The following NBEAL2 variants were observed in gnomAD, a reference collection of about 807,000 sequenced individuals.
The protein encoded by NBEAL2 is neurobeachin-like protein 2.
In NBEAL2, 160 loss-of-function variants were observed where a neutral mutation model predicts 299.8. The observed-to-expected ratio is 0.53, with a 90% CI of 0.47 to 0.61. The LOEUF (loss-of-function observed/expected upper bound fraction) is 0.61. Among genes scored for constraint, NBEAL2 ranks in the 20% least tolerant of loss-of-function variants. The pLI is 0.00. For synonymous variants in NBEAL2, 1,493 were observed against 1,542.3 expected, an observed-to-expected ratio of 0.97 and a Z score of 0.75; for missense variants, 3,112 against 3,649.0, an observed-to-expected ratio of 0.85 and a Z score of 3.79.
At position 47,007,338 on chromosome 3, in the gene NBEAL2, T is replaced by C. The variant is rs1188947348; in HGVS notation, c.7322T>C (p.Met2441Thr). The C allele has an allele frequency of 6.2e-7, 1 of 1,606,494 alleles. No individual in the cohort carries two copies. The highest frequency in any genetic ancestry group is 8.5e-7 in the Non-Finnish European group (1 of 1,176,744). Residue 2441 changes from methionine (M) to threonine (T), a missense_variant, in exon 47 of 54, where the codon ATG (methionine) becomes ACG (threonine). Met to Thr is a moderately conservative substitution (Grantham distance 81). Coordinates refer to ENST00000450053, the MANE Select transcript of NBEAL2 (RefSeq NM_015175.3). ...TTCAGCTTCAGCAAAGACCCCACCA[T>C]GGGCAGCCACAAGTAGGACAGAGGG... ...NYFSFSKDPTMGSHKTQRLLS... is the reference protein window; with the variant it reads ...NYFSFSKDPTTGSHKTQRLLS...
intron 1 of NBEAL2, among the ~76,000 whole-genome samples, chr3:46,981,723 T>C (rs938659246): frequency 7.2e-5 from 11 of 152,104 alleles, no homozygotes; most frequent in African/African-American, 2.4e-4. Context: ...TTAAACCAGC[T>C]GGTGAGTGTG....
Position 47,004,939 on chromosome 3 carries a change from C to T in NBEAL2, c.6295-33C>T. ...GGGTGGGCTGGTAGGCCATCAGGGCCCTCATGCAGCCCCTGCTCGGGTGGG... is the reference window on the plus strand; with the variant it reads ...GGGTGGGCTGGTAGGCCATCAGGGCTCTCATGCAGCCCCTGCTCGGGTGGG... On this transcript the variant is annotated intron_variant, in intron 38 of 53. Coordinates refer to ENST00000450053, the MANE Select transcript of NBEAL2 (RefSeq NM_015175.3). The surrounding 1 kb of genome is among the most constrained non-coding windows in gnomAD (Gnocchi z 5.0). 1 of 1,585,542 alleles carries T rather than the reference C, an allele frequency of 6.3e-7. No individual in the cohort carries two copies. Among genetic ancestry groups the T allele is most frequent in the Non-Finnish European group, 8.6e-7 (1 of 1,166,274 alleles).
At chr3:47,007,467 G>C (rs745883257) in intron 47 of NBEAL2, 58 bp from the exon 48 acceptor site, 1 of 1,573,580 alleles carries the variant, frequency 6.4e-7, no homozygotes, top group Non-Finnish European at 8.6e-7. Flanking sequence ...GGCTCCCTGA[G>C]GGCCTGGGTC....
chr3:46,995,577 G>C lies in NBEAL2; in HGVS notation c.1842G>C (p.Met614Ile), dbSNP rs1324255964. ...TFHAWLCLHP[M>I]DTAPTPAPTR... is the part of the protein sequence containing the mutation. The stretch of plus-strand genomic sequence containing the variant: ...ATGCCTGGCTCTGTCTGCACCCTAT[G>C]GATACAGCACCTACCCCTGCCCCCA... Residue 614 changes from methionine to isoleucine, a missense_variant, in exon 13 of 54, where the codon ATG (methionine) becomes ATC (isoleucine). Transcript: ENST00000450053. 2 of 1,612,716 alleles carry C rather than the reference G, an allele frequency of 1.2e-6. No homozygotes were observed. Among genetic ancestry groups the C allele is most frequent in the Admixed American group, 3.3e-5 (2 of 60,028 alleles).
rs1299423017 is a variant in NBEAL2 at position 47,008,428 on chromosome 3, G to A, written c.7865G>A (p.Arg2622His). 6 of 1,612,248 alleles carry A rather than the reference G, an allele frequency of 3.7e-6. No individual in the cohort carries two copies. Among genetic ancestry groups the A allele is most frequent in the African/African-American group, 2.7e-5 (2 of 74,912 alleles). The change falls in exon 51 of 54, where the codon CGT becomes CAT. Residue 2622 changes from arginine to histidine, a missense_variant. Around this residue, in one of 3 missense-constraint regions of NBEAL2, gnomAD observed 348 missense variants for 381.4 expected, o/e 0.91. Transcript: ENST00000450053. ...GTGGTACAGAGCTCAGCGTGGGAAC[G>A]TCCTGGGGCCCAGGTATGGGGAAGG... ...QIVVQSSAWERPGAQVTYSLH... is the reference protein window; with the variant it reads ...QIVVQSSAWEHPGAQVTYSLH...
intron 1 of NBEAL2, among the ~76,000 whole-genome samples, chr3:46,983,247 T>G (rs1275783500): frequency 6.6e-6 from 1 of 151,572 alleles, no homozygotes. Flanking sequence ...ACTGATGATC[T>G]CTACTGCCTC....
chr3:46,996,280 T>C lies in NBEAL2; in HGVS notation c.2161T>C (p.Ser721Pro). 7 of 1,606,954 alleles carry C rather than the reference T, an allele frequency of 4.4e-6. No individual in the cohort carries two copies. Among genetic ancestry groups the C allele is most frequent in the Non-Finnish European group, 5.9e-6 (7 of 1,179,810 alleles). The change falls in exon 16 of 54, where the codon TCC becomes CCC. Residue 721 changes from serine to proline, a missense_variant. Ser to Pro is a moderately conservative substitution (Grantham distance 74). This residue lies in a region of NBEAL2 where 2,243 missense variants were observed against 2,538.1 expected (regional missense o/e 0.88). Transcript: ENST00000450053. ...RCPSLSEPFS[S>P]CCIGSAGYRT... ...AACCCCGGCCCCACAGCCTTTCTCC[T>C]CCTGCTGTATCGGCTCCGCTGGATA...
Position 47,000,902 on chromosome 3 carries a change from C to T in NBEAL2, c.4306-99C>T. 1 of 1,513,928 alleles carries T rather than the reference C, an allele frequency of 6.6e-7. No homozygotes were observed. Among genetic ancestry groups the T allele is most frequent in the South Asian group, 1.2e-5 (1 of 81,514 alleles). The allele number at this position is 1,513,928 out of a possible 1,614,324, so 93.8% of individuals were successfully genotyped here. ...AAATGCTCTGACTCCTGGGTGGCTA[C>T]CCCAGGAGGGGTGCTGAGTGGGGAT... On this transcript the variant is annotated intron_variant, in intron 27 of 53. Coordinates refer to ENST00000450053, the MANE Select transcript of NBEAL2 (RefSeq NM_015175.3). The surrounding 1 kb of genome is among the most constrained non-coding windows in gnomAD (Gnocchi z 4.5).
At position 46,998,800 on chromosome 3, in the gene NBEAL2, T is replaced by G. The variant is rs1203504347; in HGVS notation, c.3305T>G (p.Val1102Gly). 1.9e-6 allele frequency: 3 copies of G among 1,566,438 alleles called. No individual in the cohort carries two copies. In the African/African-American group the frequency reaches 4.1e-5, roughly 21 times the overall value. The change falls in exon 23 of 54, where the codon GTG becomes GGG. Residue 1102 changes from valine (V) to glycine (G), a missense_variant. Val to Gly is a moderately radical substitution (Grantham distance 109). Around this residue, in one of 3 missense-constraint regions of NBEAL2, gnomAD observed 2,243 missense variants for 2,538.1 expected, o/e 0.88. Coordinates refer to ENST00000450053, the MANE Select transcript of NBEAL2 (RefSeq NM_015175.3). The part of the protein sequence containing the change: ...SLLGLAREFL[V>G]RSLSADDVQV... ...CTGGGCCTGGCGAGGGAGTTCCTGGTGCGGAGTCTCTCAGCAGATGACGTG... is the reference window on the plus strand; with the variant it reads ...CTGGGCCTGGCGAGGGAGTTCCTGGGGCGGAGTCTCTCAGCAGATGACGTG...
Position 46,996,601 on chromosome 3 carries a change from C to T in NBEAL2, c.2473+9C>T. The stretch of plus-strand genomic sequence containing the variant: ...GACCCTGTGCACCCTGGGTATGCAG[C>T]ATTCTCCATCTCTGCCACAGCCCCA... On this transcript the variant is annotated intron_variant, in intron 16 of 53. Coordinates refer to ENST00000450053, the MANE Select transcript of NBEAL2 (RefSeq NM_015175.3). 1 of 1,521,888 alleles carries T rather than the reference C, an allele frequency of 6.6e-7. No individual in the cohort carries two copies. Among genetic ancestry groups the T allele is most frequent in the African/African-American group, 1.4e-5 (1 of 72,266 alleles). 94.3% of individuals were successfully genotyped at this position (1,521,888 alleles called of 1,614,324 possible).
At position 47,002,074 on chromosome 3, in the gene NBEAL2, G is replaced by T. The variant is rs779853612; in HGVS notation, c.4937G>T (p.Gly1646Val). The change falls in exon 31 of 54, where the codon GGG becomes GTG. Residue 1646 changes from glycine (G) to valine (V), a missense_variant. Gly to Val is a moderately radical substitution (Grantham distance 109). Around this residue, in one of 3 missense-constraint regions of NBEAL2, gnomAD observed 2,243 missense variants for 2,538.1 expected, o/e 0.88. Coordinates refer to ENST00000450053, the MANE Select transcript of NBEAL2 (RefSeq NM_015175.3). The stretch of plus-strand genomic sequence containing the variant: ...TTGGAGTCAGCCACTGATGAGGCAG[G>T]GTCCCCACTTGCAGCTGCAGCAGCT... ...SSLESATDEAGSPLAAAAAAA... is the reference protein window; with the variant it reads ...SSLESATDEAVSPLAAAAAAA... The T allele has an allele frequency of 1.3e-6, 2 of 1,552,268 alleles. No individual in the cohort carries two copies. Among genetic ancestry groups the T allele is most frequent in the South Asian group, 1.2e-5 (1 of 84,740 alleles).
In NBEAL2 at chr3:46,982,211, G is replaced by A; in HGVS notation, c.51+2299G>A. ...GGGACCTATTGTGTGTGTGCTTGGG[G>A]AGGGGGAGTGCAAGGTAAGGGGCAG... On this transcript the variant is annotated intron_variant, in intron 1 of 53. Transcript: ENST00000450053. This position sits in a 1 kb window ranked among gnomAD's most constrained non-coding sequence, Gnocchi z 4.2. Among the ~76,000 whole-genome samples the A allele has an allele frequency of 6.6e-6, 1 of 152,190 alleles. No homozygotes were observed. The highest frequency in any genetic ancestry group is 2.1e-4 in the South Asian group (1 of 4,836).
chr3:46,992,391 T>G, intron 9 of NBEAL2, 84 bp from the exon 10 acceptor site: 1 of 1,309,916 alleles, frequency 7.6e-7, no homozygotes, highest in African/African-American at 1.5e-5. Context: ...CAGCTGCCCC[T>G]GGTCCTGCTC....
In NBEAL2 at chr3:47,003,726, C is replaced by G; in HGVS notation, c.5721-90C>G. On this transcript the variant is annotated intron_variant, in intron 35 of 53. Transcript: ENST00000450053. The surrounding 1 kb of genome is among the most constrained non-coding windows in gnomAD (Gnocchi z 7.0). ...CTCTGGGAGTCATGAGAGTATATAC[C>G]CCATGACTCAATGGCACTTGGATGC... The G allele has an allele frequency of 6.8e-7, 1 of 1,460,610 alleles. No homozygotes were observed. The highest frequency in any genetic ancestry group is 9.2e-7 in the Non-Finnish European group (1 of 1,090,634). 90.5% of individuals were successfully genotyped at this position (1,460,610 alleles called of 1,614,324 possible). A position where few individuals can be genotyped will look rare whatever the true frequency, so the allele number is the denominator to read the frequency against.
intron 1 of NBEAL2, among the ~76,000 whole-genome samples, chr3:46,984,175 G>T (rs969653731): frequency 6.6e-6 from 1 of 150,954 alleles, no homozygotes; most frequent in African/African-American, 2.4e-5. Flanking sequence ...GCGTGATGGC[G>T]AGTGCCTGTA....
In NBEAL2 at chr3:46,996,642, G is replaced by A. The variant is rs747520502; in HGVS notation, c.2473+50G>A. 99 of 1,379,566 alleles carry A rather than the reference G, an allele frequency of 7.2e-5. 3 individuals carry two copies. In the South Asian group the frequency reaches 1.4e-3, roughly 19 times the overall value. The allele number at this position is 1,379,566 out of a possible 1,614,324, so 85.5% of individuals were successfully genotyped here. On this transcript the variant is annotated intron_variant, in intron 16 of 53. Transcript: ENST00000450053. ...CACAGCCCCAGGCCAGAAGCTAGGGGTCCGGGGGGAGAAGGCATCTCTGGG... is the reference window on the plus strand; with the variant it reads ...CACAGCCCCAGGCCAGAAGCTAGGGATCCGGGGGGAGAAGGCATCTCTGGG...
Position 46,989,672 on chromosome 3 carries a change from C to T in NBEAL2, c.556+79C>T, listed in dbSNP as rs2035947331. ...CCTGTCGTTCCTTGATCCTGCCATA[C>T]ACAGGAACCACTTGGTGGTGGCTGC... On this transcript the variant is annotated intron_variant, in intron 6 of 53. Coordinates refer to ENST00000450053, the MANE Select transcript of NBEAL2 (RefSeq NM_015175.3). This position sits in a 1 kb window ranked among gnomAD's most constrained non-coding sequence, Gnocchi z 5.5. 4.8e-6 allele frequency: 6 copies of T among 1,261,616 alleles called. No homozygotes were observed. Among genetic ancestry groups the T allele is most frequent in the African/African-American group, 1.5e-5 (1 of 67,236 alleles). 78.2% of individuals were successfully genotyped at this position (1,261,616 alleles called of 1,614,324 possible). A position where few individuals can be genotyped will look rare whatever the true frequency, so the allele number is the denominator to read the frequency against.
Position 47,003,169 on chromosome 3 carries a change from T to C in NBEAL2, c.5585-5T>C, listed in dbSNP as rs2037163945. ...CTTCTGCTGAGTACCCTTGGCCCCT[T>C]GCAGGTGAGGTTCCCCTGACACCCA... On this transcript the variant is annotated splice_region_variant and splice_polypyrimidine_tract_variant and intron_variant, in intron 34 of 53. Coordinates refer to ENST00000450053, the MANE Select transcript of NBEAL2 (RefSeq NM_015175.3). The surrounding 1 kb of genome is among the most constrained non-coding windows in gnomAD (Gnocchi z 7.0). 2 of 1,604,736 alleles carry C rather than the reference T, an allele frequency of 1.2e-6. No individual in the cohort carries two copies. Among genetic ancestry groups the C allele is most frequent in the South Asian group, 2.2e-5 (2 of 90,668 alleles).
rs753827819 is a variant in NBEAL2, at chr3:46,999,028, T to C, written c.3454T>C (p.Phe1152Leu). The change falls in exon 24 of 54, where the codon TTT becomes CTT. Residue 1152 changes from phenylalanine (F) to leucine (L), a missense_variant. Coordinates refer to ENST00000450053, the MANE Select transcript of NBEAL2 (RefSeq NM_015175.3). Reference protein sequence around the residue: ...GSLVQESLAVFLLEPGNLEVL... With the variant: ...GSLVQESLAVLLLEPGNLEVL... ...CCTGGTGCAGGAGTCCTTGGCTGTC[T>C]TTCTGTTGGAGCCAGGGAACCTCGA... 6.2e-7 allele frequency: 1 copy of C among 1,603,546 alleles called. No individual in the cohort carries two copies. The highest frequency in any genetic ancestry group is 8.5e-7 in the Non-Finnish European group (1 of 1,175,430).
Sources: gnomAD v4.1 joint callset for allele counts (sites outside exome capture counted in the v4.1 genomes callset) on GRCh38, gnomAD v4.1.1 for gene constraint, gnomAD v4.1.1 regional missense constraint, Gnocchi (gnomAD v3.1) non-coding constraint, MANE v1.5 for transcripts, NCBI Gene and HGNC (gene_info 2026-07-23, HGNC 2026-07-21) for gene names.